The following ARHGAP42 variants were observed in gnomAD, a reference collection of about 807,000 sequenced individuals.
ARHGAP42 encodes the protein rho GTPase-activating protein 42.
A neutral mutation model predicts 125.0 loss-of-function variants in ARHGAP42; 63 were observed. That is an observed-to-expected ratio of 0.50 (90% CI 0.41 to 0.62). The LOEUF is 0.62. Ranked by LOEUF, ARHGAP42 falls within the 20% of genes least tolerant of loss-of-function variation. ARHGAP42 has a pLI of 0.00. For missense variants in ARHGAP42, 766 were observed against 1,024.2 expected (o/e 0.75, Z 3.44); for synonymous variants, 339 against 351.0 (o/e 0.97, Z 0.38).
intron 3 of ARHGAP42, among the ~76,000 whole-genome samples, chr11:100,812,066 G>T (rs11224463): frequency 0.2 from 30,206 of 152,056 alleles, 3,294 homozygotes; most frequent in African/African-American, 0.29. Context: ...CTCCCAAAGT[G>T]CTAGGATTAC....
At chr11:100,858,728 G>C (rs1294390801) in intron 3 of ARHGAP42, among the ~76,000 whole-genome samples, 1 of 152,090 alleles carries the variant, frequency 6.6e-6, no homozygotes, top group Non-Finnish European at 1.5e-5. Context: ...TGCTATTCAT[G>C]TAATAGATTA....
rs1805001493 is a variant in ARHGAP42 at position 100,991,596 on chromosome 11, T to C, written c.*2795T>C. Reference sequence around the variant, plus strand: ...ACAAAACATTTGTGTGTTTCACAGATGACTCTCTTGTTTTGCCGTAATGCT... The same window carrying C: ...ACAAAACATTTGTGTGTTTCACAGACGACTCTCTTGTTTTGCCGTAATGCT... On this transcript the variant is annotated 3_prime_UTR_variant, in exon 24 of 24. Coordinates refer to ENST00000298815, the MANE Select transcript of ARHGAP42 (RefSeq NM_152432.4). 6.6e-6 allele frequency: 1 copy of C among 152,214 alleles called. No individual in the cohort carries two copies. 9.4% of individuals were successfully genotyped at this position (152,214 alleles called of 1,614,324 possible). A position where few individuals can be genotyped will look rare whatever the true frequency, so the allele number is the denominator to read the frequency against.
At chr11:100,981,032 G>A (rs767499787) in intron 22 of ARHGAP42, among the ~76,000 whole-genome samples, 2 of 152,158 alleles carry the variant, frequency 1.3e-5, no homozygotes, top group Non-Finnish European at 2.9e-5. Context: ...CTGAGGCACA[G>A]GGGAACATGA....
chr11:100,861,388 A>G lies in ARHGAP42; in HGVS notation c.384+1763A>G, dbSNP rs935871349. ...GTATTTTACTCCCTAGCCTAAGGGC[A>G]GTGATAAGCAATAGAAACGTAAGTG... On this transcript the variant is annotated intron_variant, in intron 4 of 23. Transcript: ENST00000298815. Among the ~76,000 whole-genome samples the G allele has an allele frequency of 2.6e-5, 4 of 152,302 alleles. No homozygotes were observed. In the East Asian group the frequency reaches 7.7e-4, roughly 29 times the overall value.
intron 1 of ARHGAP42, among the ~76,000 whole-genome samples, chr11:100,752,775 C>A (rs1591152495): frequency 1.3e-5 from 2 of 152,164 alleles, no homozygotes; most frequent in African/African-American, 4.8e-5. Context: ...ATGAACTTGT[C>A]CTGTGGACAG....
chr11:100,707,955 A>G (rs1048434661), intron 1 of ARHGAP42, among the ~76,000 whole-genome samples: 8 of 152,228 alleles, frequency 5.3e-5, no homozygotes, highest in Non-Finnish European at 1.5e-5. Context: ...TAGGAATCTT[A>G]TATGAGAATA....
At chr11:100,818,898 A>G (rs1386333966) in intron 3 of ARHGAP42, among the ~76,000 whole-genome samples, 4 of 152,176 alleles carry the variant, frequency 2.6e-5, no homozygotes, top group Non-Finnish European at 5.9e-5. Flanking sequence ...CATAGGAAAG[A>G]AGACATAAGC....
chr11:100,847,936 C>T (rs180858228), intron 3 of ARHGAP42, among the ~76,000 whole-genome samples: 71 of 152,196 alleles, frequency 4.7e-4, no homozygotes, highest in African/African-American at 1.6e-3. Context: ...ATGCATTAGT[C>T]GACCCATGGA....
chr11:100,804,265 C>T (rs1863935263), intron 3 of ARHGAP42, among the ~76,000 whole-genome samples: 1 of 152,136 alleles, frequency 6.6e-6, no homozygotes, highest in Non-Finnish European at 1.5e-5. Context: ...ACTAGGATTG[C>T]AGGCATGAGC....
rs565691934 is a variant in ARHGAP42 at position 100,728,271 on chromosome 11, C to T, written c.154+40439C>T. ...CTATCGAAAAGGCCACACCTGTGCTCCCACCTGCAAAAGGGGTGGGATTGA... is the reference window on the plus strand; with the variant it reads ...CTATCGAAAAGGCCACACCTGTGCTTCCACCTGCAAAAGGGGTGGGATTGA... On this transcript the variant is annotated intron_variant, in intron 1 of 23. Coordinates refer to ENST00000298815, the MANE Select transcript of ARHGAP42 (RefSeq NM_152432.4). 2.0e-5 allele frequency among the ~76,000 whole-genome samples: 3 copies of T among 152,298 alleles called. No individual in the cohort carries two copies. In the South Asian group the frequency reaches 6.2e-4, roughly 32 times the overall value.
At chr11:100,861,401 A>G (rs917847390) in intron 4 of ARHGAP42, among the ~76,000 whole-genome samples, 4 of 152,210 alleles carry the variant, frequency 2.6e-5, no homozygotes, top group Admixed American at 2.0e-4. Flanking sequence ...GATAAGCAAT[A>G]GAAACGTAAG....
chr11:100,974,303 G>A (rs572209846), intron 18 of ARHGAP42, among the ~76,000 whole-genome samples, 156 bp from the exon 19 acceptor site: 13 of 152,206 alleles, frequency 8.5e-5, no homozygotes, highest in Admixed American at 4.6e-4. Flanking sequence ...AGAAAACCCC[G>A]TGAAAGAATA....
At chr11:100,758,753 T>A (rs917922417) in intron 1 of ARHGAP42, among the ~76,000 whole-genome samples, 2 of 152,212 alleles carry the variant, frequency 1.3e-5, no homozygotes, top group Admixed American at 6.5e-5. Context: ...CACAATGATC[T>A]TATGAAATAA....
chr11:100,782,564 G>C, intron 2 of ARHGAP42, among the ~76,000 whole-genome samples: 1 of 152,188 alleles, frequency 6.6e-6, no homozygotes, highest in East Asian at 1.9e-4. Flanking sequence ...AGGAAGCAGA[G>C]TATATAGAGA....
chr11:100,841,737 C>T (rs1216180966), intron 3 of ARHGAP42, among the ~76,000 whole-genome samples: 1 of 152,234 alleles, frequency 6.6e-6, no homozygotes, highest in East Asian at 1.9e-4. Flanking sequence ...TGAAAGCCTT[C>T]TTCCAGATCT....
In ARHGAP42 at chr11:100,857,987, A is replaced by G. The variant is rs182837374; in HGVS notation, c.313-1567A>G. Among the ~76,000 whole-genome samples the G allele has an allele frequency of 5.3e-4, 81 of 152,168 alleles. No homozygotes were observed. In the East Asian group the frequency reaches 0.014, roughly 25 times the overall value. ...AGGCTTTATTGTTGCTATTACTCCA[A>G]GTTACACTAAAGTACTTATGATACT... is the stretch of plus-strand genomic sequence containing the variant. On this transcript the variant is annotated intron_variant, in intron 3 of 23. Coordinates refer to ENST00000298815, the MANE Select transcript of ARHGAP42 (RefSeq NM_152432.4).
chr11:100,864,638 G>C (rs1865524357), intron 4 of ARHGAP42, among the ~76,000 whole-genome samples: 1 of 152,186 alleles, frequency 6.6e-6, no homozygotes, highest in Admixed American at 6.5e-5. Context: ...GTATTATACA[G>C]AAACAAACTG....
At chr11:100,833,696 G>A (rs1864714062) in intron 3 of ARHGAP42, among the ~76,000 whole-genome samples, 1 of 152,146 alleles carries the variant, frequency 6.6e-6, no homozygotes, top group Non-Finnish European at 1.5e-5. Context: ...GTGAAAGAGA[G>A]TTAGGAAGAG....
At chr11:100,902,016 G>T (rs1382033512) in intron 4 of ARHGAP42, among the ~76,000 whole-genome samples, 1 of 152,174 alleles carries the variant, frequency 6.6e-6, no homozygotes. Context: ...GCAGACCAGA[G>T]CTATTCCTAT....
Sources: allele counts gnomAD v4.1 joint callset (sites outside exome capture counted in the v4.1 genomes callset), GRCh38; gene constraint gnomAD v4.1.1; transcripts MANE v1.5; gene names NCBI Gene and HGNC (gene_info 2026-07-23, HGNC 2026-07-21).